Variants in HEXB observed in about 807,000 individuals in gnomAD.
HEXB encodes the protein beta-hexosaminidase subunit beta.
A neutral mutation model predicts 71.2 loss-of-function variants in HEXB; 51 were observed. The observed-to-expected ratio is 0.72, with a 90% confidence interval of 0.57 to 0.90. The LOEUF is 0.90. Among genes scored for constraint, HEXB ranks in the 40% least tolerant of loss-of-function variants. HEXB has a pLI of 0.00. For synonymous variants in HEXB, 266 were observed against 249.3 expected (o/e 1.07, Z -0.63); for missense variants, 617 against 677.0 (o/e 0.91, Z 0.98).
intron 11 of HEXB, among the ~76,000 whole-genome samples, chr5:74,719,659 A>G (rs960648644): frequency 7.9e-5 from 12 of 152,206 alleles, no homozygotes; most frequent in African/African-American, 2.9e-4. Context: ...AAAAGCATTA[A>G]GTGGCTGGGC....
intron 11 of HEXB, among the ~76,000 whole-genome samples, 167 bp downstream of exon 11, chr5:74,719,138 TTA>T (rs1352062329): frequency 1.3e-5 from 2 of 152,216 alleles, no homozygotes; most frequent in Non-Finnish European, 2.9e-5. Context: ...ATCCTTGATT[TTA>T]TGTGTTTTTT....
At chr5:74,648,441 C>G (rs1748041023) in intron 1 of HEXB, among the ~76,000 whole-genome samples, 1 of 152,206 alleles carries the variant, frequency 6.6e-6, no homozygotes, top group Non-Finnish European at 1.5e-5. Context: ...AAGGTGCAGT[C>G]CCCTGACACC....
chr5:74,682,043 G>T (rs866563640), upstream of HEXB, among the ~76,000 whole-genome samples: 7 of 152,240 alleles, frequency 4.6e-5, no homozygotes, highest in Non-Finnish European at 7.3e-5. Context: ...GTTGCCAACA[G>T]CCATGCAAGT....
chr5:74,708,971 C>G (rs2112163114), intron 6 of HEXB, among the ~76,000 whole-genome samples: 1 of 152,308 alleles, frequency 6.6e-6, no homozygotes, highest in Admixed American at 6.5e-5. Flanking sequence ...CTCTCCACCC[C>G]AAATCAACAG....
At chr5:74,676,039 A>C (rs1748624881) in intron 1 of HEXB, among the ~76,000 whole-genome samples, 1 of 152,248 alleles carries the variant, frequency 6.6e-6, no homozygotes, top group Non-Finnish European at 1.5e-5. Context: ...AGTATTTCTA[A>C]GTGGAAAGCC....
intron 1 of HEXB, among the ~76,000 whole-genome samples, chr5:74,670,502 G>T (rs1204745832): frequency 1.3e-5 from 2 of 152,132 alleles, no homozygotes; most frequent in Non-Finnish European, 2.9e-5. Context: ...TACACAGAAG[G>T]CTGTACTACT....
intron 1 of HEXB, among the ~76,000 whole-genome samples, chr5:74,686,573 G>A (rs896977080): frequency 4.6e-5 from 7 of 152,164 alleles, no homozygotes; most frequent in African/African-American, 1.7e-4. Flanking sequence ...AGGTGCCTAG[G>A]CTCAAGCTGC....
intron 5 of HEXB, among the ~76,000 whole-genome samples, chr5:74,702,844 G>T (rs866274040): frequency 2.0e-5 from 3 of 152,234 alleles, no homozygotes; most frequent in Admixed American, 6.5e-5. Context: ...GCATTTCAGT[G>T]TAAGGTAGAG....
chr5:74,710,039 T>G (rs1749500798), intron 6 of HEXB, among the ~76,000 whole-genome samples: 1 of 152,060 alleles, frequency 6.6e-6, no homozygotes, highest in Admixed American at 6.6e-5. Context: ...AAATCCTCAA[T>G]AAAATACTGG....
chr5:74,720,114 G>A (rs1377392636), intron 11 of HEXB: 5 of 351,970 alleles, frequency 1.4e-5, no homozygotes, highest in Non-Finnish European at 2.1e-5. Flanking sequence ...GGTTTCTGGT[G>A]TCCAGGTAAG....
At chr5:74,651,922 A>G (rs1462304713) in intron 1 of HEXB, among the ~76,000 whole-genome samples, 6 of 152,224 alleles carry the variant, frequency 3.9e-5, no homozygotes, top group Non-Finnish European at 8.8e-5. Context: ...GTAATGGGTT[A>G]TTAATTCGAA....
chr5:74,684,501 T>C (rs973612691), upstream of HEXB, among the ~76,000 whole-genome samples: 1 of 152,142 alleles, frequency 6.6e-6, no homozygotes, highest in African/African-American at 2.4e-5. Flanking sequence ...AGCTCTCATC[T>C]CGGTTATCTG....
chr5:74,677,831 G>A (rs1748664353), intron 1 of HEXB, among the ~76,000 whole-genome samples: 2 of 151,970 alleles, frequency 1.3e-5, no homozygotes, highest in South Asian at 2.1e-4. Context: ...TGTACCTAAT[G>A]TGTAGTTTTT....
intron 1 of HEXB, among the ~76,000 whole-genome samples, chr5:74,650,765 C>T (rs1238392418): frequency 1.4e-5 from 2 of 145,516 alleles, no homozygotes; most frequent in South Asian, 4.4e-4. Flanking sequence ...ACTAAAAATA[C>T]AAAAAAAAAA....
chr5:74,651,329 A>G (rs1442705266), intron 1 of HEXB, among the ~76,000 whole-genome samples: 1 of 152,230 alleles, frequency 6.6e-6, no homozygotes, highest in Non-Finnish European at 1.5e-5. Flanking sequence ...AGCGCAGCAC[A>G]CAGTAGTAAT....
chr5:74,701,682 A>G (rs927990053), intron 5 of HEXB, among the ~76,000 whole-genome samples: 2 of 151,190 alleles, frequency 1.3e-5, no homozygotes, highest in Admixed American at 1.3e-4. Flanking sequence ...TGTGCAAAGA[A>G]CTCCTATATA....
intron 1 of HEXB, among the ~76,000 whole-genome samples, chr5:74,669,172 CA>C (rs1400262691): frequency 6.6e-6 from 1 of 152,122 alleles, no homozygotes; most frequent in Non-Finnish European, 1.5e-5. Context: ...AGGCTGGTTC[CA>C]AAGTGTGAGC....
At position 74,659,103 on chromosome 5, in the gene HEXB, G is replaced by T. The variant is rs149435891; in HGVS notation, c.-377+18545G>T. ...TTTAAAAGCTTTTGTGGGAAAAAGA[G>T]ACTTTTAAAACTGGAAAAAAAAAAC... On this transcript the variant is annotated intron_variant, in intron 1 of 13. Coordinates refer to the HEXB transcript ENST00000511181. 4.4e-3 allele frequency among the ~76,000 whole-genome samples: 635 copies of T among 144,488 alleles called. 7 individuals carry two copies. The highest frequency in any genetic ancestry group is 0.014 in the African/African-American group (533 of 38,754). The allele number at this position is 144,488 out of a possible 152,430, so 94.8% of individuals were successfully genotyped here.
At chr5:74,693,303 G>A (rs1749042564) in intron 2 of HEXB, among the ~76,000 whole-genome samples, 1 of 152,140 alleles carries the variant, frequency 6.6e-6, no homozygotes, top group Admixed American at 6.6e-5. Context: ...AACTCTTTTA[G>A]GAAAATGAGG....
Sources: allele counts gnomAD v4.1 joint callset (sites outside exome capture counted in the v4.1 genomes callset), GRCh38; gene constraint gnomAD v4.1.1; transcripts MANE v1.5; gene names NCBI Gene and HGNC (gene_info 2026-07-23, HGNC 2026-07-21).